The following GGH variants were observed in gnomAD, a reference collection of about 807,000 sequenced individuals.
The protein encoded by GGH is gamma-Glu-X carboxypeptidase.
Under a neutral mutation model 39.2 loss-of-function variants are expected in GGH, and 18 were observed. The observed-to-expected ratio is 0.46, with a 90% CI of 0.32 to 0.68. The LOEUF (loss-of-function observed/expected upper bound fraction) is 0.68, where lower values mean the gene tolerates loss of function less well. Ranked by LOEUF, GGH falls within the 30% of genes least tolerant of loss-of-function variation. The pLI is 0.04. For missense variants in GGH, 367 were observed against 384.1 expected, an observed-to-expected ratio of 0.96 and a Z score of 0.37; for synonymous variants, 147 against 138.8, an observed-to-expected ratio of 1.06 and a Z score of -0.42.
At chr8:63,035,572 T>C in intron 2 of GGH, 84 bp downstream of exon 2, 1 of 1,517,444 alleles carries the variant, frequency 6.6e-7, no homozygotes, top group Non-Finnish European at 8.8e-7. Context: ...CCCAAAGTGC[T>C]AGAATTACAG....
In GGH at chr8:63,024,119, A is replaced by G. The variant is rs752141853; in HGVS notation, c.567T>C (p.Pro189=). 1.1e-5 allele frequency: 18 copies of G among 1,611,002 alleles called. No homozygotes were observed. Among genetic ancestry groups the G allele is most frequent in the Non-Finnish European group, 1.4e-5 (16 of 1,177,442 alleles). The change falls in exon 6 of 9, where the codon CCT becomes CCC. Residue 189 remains proline, a synonymous_variant. Coordinates refer to ENST00000260118, the MANE Select transcript of GGH (RefSeq NM_003878.3). ...TELLLSLAVE[P]LTANFHKWSL... ...TCCACTTATGGAAATTGGCAGTCAG[A>G]GGTTCTACTGCTAATGACAGCAACA...
intron 2 of GGH, 92 bp from the exon 3 acceptor site, chr8:63,030,309 A>T: frequency 1.5e-6 from 1 of 670,990 alleles, no homozygotes; most frequent in South Asian, 2.0e-5. Context: ...AAGCCAAATA[A>T]AAACAAATTT....
rs183498905 is a variant in GGH, at chr8:63,028,664, A to G, written c.276-1399T>C. On this transcript the variant is annotated intron_variant, in intron 3 of 8. Transcript: ENST00000260118. ...GAGTGCAGCTTTCAGTGACTACATGAGAGAGAAAAGGGGCCTACAGGAGCA... is the reference window on the plus strand; with the variant it reads ...GAGTGCAGCTTTCAGTGACTACATGGGAGAGAAAAGGGGCCTACAGGAGCA... Among the ~76,000 whole-genome samples, 15 of 152,300 alleles carry G rather than the reference A, an allele frequency of 9.8e-5. No individual in the cohort carries two copies. The East Asian group carries it at 2.9e-3, about 29-fold the overall frequency.
Position 63,029,670 on chromosome 8 carries a change from C to T in GGH, c.275+497G>A, listed in dbSNP as rs540691961. On this transcript the variant is annotated intron_variant, in intron 3 of 8. Transcript: ENST00000260118. ...ATGAGCACACTTGTTTCCTCACAGG[C>T]CCCATAGAGTATAAGCAAATTTTCT... is the stretch of plus-strand genomic sequence containing the variant. 7.9e-5 allele frequency among the ~76,000 whole-genome samples: 12 copies of T among 152,186 alleles called. No homozygotes were observed. In the East Asian group the frequency reaches 2.1e-3, roughly 27 times the overall value.
intron 1 of GGH, among the ~76,000 whole-genome samples, chr8:63,037,458 A>G (rs1804933254): frequency 6.6e-6 from 1 of 152,152 alleles, no homozygotes; most frequent in Non-Finnish European, 1.5e-5. Flanking sequence ...CTGGGAAAAG[A>G]GCTCAAGCTG....
intron 2 of GGH, among the ~76,000 whole-genome samples, chr8:63,032,019 AT>A (rs1804815451): frequency 6.6e-6 from 1 of 152,120 alleles, no homozygotes; most frequent in Admixed American, 6.5e-5. Flanking sequence ...TCAGACTCTT[AT>A]AAAGTTTGAT....
At position 63,017,547 on chromosome 8, in the gene GGH, C is replaced by A. The variant is rs115932652; in HGVS notation, c.781G>T (p.Ala261Ser). ...AATGCGGTTTTCACAGCATTAGGTG[C>A]ATGGGAAATGCCATCCAAATTCTTC... ...EWKNLDGISH[A>S]PNAVKTAFYL... Residue 261 changes from alanine (A) to serine (S), a missense_variant, in exon 8 of 9, where the codon GCA becomes TCA. By Grantham distance (99) the Ala-to-Ser change is moderately conservative. Coordinates refer to ENST00000260118, the MANE Select transcript of GGH (RefSeq NM_003878.3). The A allele has an allele frequency of 6.2e-6, 10 of 1,610,480 alleles. No individual in the cohort carries two copies. The highest frequency in any genetic ancestry group is 8.5e-6 in the Non-Finnish European group (10 of 1,176,806).
At chr8:63,021,359 T>C (rs759886780) in intron 7 of GGH, among the ~76,000 whole-genome samples, 1 of 152,204 alleles carries the variant, frequency 6.6e-6, no homozygotes, top group Non-Finnish European at 1.5e-5. Flanking sequence ...ATTATTTCAT[T>C]AAGATATTTT....
chr8:63,036,796 C>T (rs80238691), intron 1 of GGH, among the ~76,000 whole-genome samples: 12,130 of 152,160 alleles, frequency 0.08, 913 homozygotes, highest in East Asian at 0.42. Context: ...ATTATTAGAG[C>T]CAGGTGAGTG....
chr8:63,033,340 A>G (rs1019793123), intron 2 of GGH, among the ~76,000 whole-genome samples: 1 of 152,204 alleles, frequency 6.6e-6, no homozygotes. Context: ...ATTCTGCTTT[A>G]GATGTTTGGT....
chr8:63,038,540 C>G, intron 1 of GGH, 120 bp downstream of exon 1: 1 of 500,220 alleles, frequency 2.0e-6, no homozygotes. Context: ...GCACCAAAAG[C>G]GAAGCACATC....
At chr8:63,037,860 T>C (rs906135147) in intron 1 of GGH, among the ~76,000 whole-genome samples, 1 of 152,130 alleles carries the variant, frequency 6.6e-6, no homozygotes, top group African/African-American at 2.4e-5. Flanking sequence ...ACTACCTATA[T>C]GAAAAAACAT....
intron 3 of GGH, among the ~76,000 whole-genome samples, chr8:63,027,491 T>C (rs535439969): frequency 6.6e-6 from 1 of 152,270 alleles, no homozygotes; most frequent in South Asian, 2.1e-4. Context: ...TTCCAAAAAC[T>C]TCTTCAAAAA....
intron 7 of GGH, among the ~76,000 whole-genome samples, chr8:63,021,244 T>A (rs957470493): frequency 6.6e-6 from 1 of 152,254 alleles, no homozygotes; most frequent in African/African-American, 2.4e-5. Flanking sequence ...CTGATTTTAA[T>A]AGCTGTATAG....
At chr8:63,030,489 A>C (rs116323041) in intron 2 of GGH, among the ~76,000 whole-genome samples, 15,332 of 152,152 alleles carry the variant, frequency 0.1, 976 homozygotes, top group East Asian at 0.34. Flanking sequence ...AAAAACAGTA[A>C]AGACCGTGAG....
At chr8:63,038,634 G>A (rs779734779) in intron 1 of GGH, 26 bp downstream of exon 1, 14 of 1,282,842 alleles carry the variant, frequency 1.1e-5, no homozygotes, top group Non-Finnish European at 1.5e-5. Context: ...CTCCCCGTCT[G>A]CTGCGGCCCC....
intron 7 of GGH, among the ~76,000 whole-genome samples, chr8:63,022,770 C>T (rs1413969539): frequency 2.0e-5 from 3 of 151,736 alleles, no homozygotes; most frequent in Non-Finnish European, 2.9e-5. Flanking sequence ...TCAGGTGATC[C>T]GCCCCGGCCT....
intron 2 of GGH, among the ~76,000 whole-genome samples, chr8:63,034,415 A>G (rs1003758173): frequency 6.6e-6 from 1 of 152,200 alleles, no homozygotes; most frequent in Admixed American, 6.5e-5. Context: ...ATATTTGAAC[A>G]GTATTTTTGT....
At chr8:63,037,920 A>C (rs1437444042) in intron 1 of GGH, among the ~76,000 whole-genome samples, 1 of 152,238 alleles carries the variant, frequency 6.6e-6, no homozygotes, top group African/African-American at 2.4e-5. Flanking sequence ...ATTCATAGAA[A>C]AAAATAGTAT....
Sources: gnomAD v4.1 joint callset for allele counts (sites outside exome capture counted in the v4.1 genomes callset) on GRCh38, gnomAD v4.1.1 for gene constraint, MANE v1.5 for transcripts, NCBI Gene and HGNC (gene_info 2026-07-23, HGNC 2026-07-21) for gene names.